The following RPS6KC1 variants were observed in gnomAD, a reference collection of about 807,000 sequenced individuals.
The protein encoded by RPS6KC1 is inactive ribosomal protein S6 kinase delta-1.
In RPS6KC1, 54 loss-of-function variants were observed where a neutral mutation model predicts 103.8. That is an observed-to-expected ratio of 0.52 (90% CI 0.42 to 0.65). The LOEUF (loss-of-function observed/expected upper bound fraction) is 0.65, where lower values mean the gene tolerates loss of function less well. Among genes scored for constraint, RPS6KC1 ranks in the 30% least tolerant of loss-of-function variants. RPS6KC1 has a pLI of 0.00. For missense variants in RPS6KC1, 1,151 were observed against 1,253.8 expected, an observed-to-expected ratio of 0.92 and a Z score of 1.24; for synonymous variants, 439 against 438.7, an observed-to-expected ratio of 1.00 and a Z score of -0.01.
At chr1:213,563,872 T>C in the RPS6KC1 span, among the ~76,000 whole-genome samples, 1 of 151,918 alleles carries the variant, frequency 6.6e-6, no homozygotes, top group Non-Finnish European at 1.5e-5. Flanking sequence ...TTTATAATTA[T>C]TCATACTGTA....
At chr1:213,285,345 T>TGG in the RPS6KC1 span, among the ~76,000 whole-genome samples, 33 of 151,998 alleles carry the variant, frequency 2.2e-4, no homozygotes, top group Non-Finnish European at 3.7e-4. Flanking sequence ...GCTGTCATAC[T>TGG]GGGGGGTAGG....
chr1:213,518,487 T>A, the RPS6KC1 span, among the ~76,000 whole-genome samples: 1 of 152,162 alleles, frequency 6.6e-6, no homozygotes, highest in Non-Finnish European at 1.5e-5. Flanking sequence ...GGAAGGATCC[T>A]CCCCTAGAGC....
chr1:213,283,462 TGA>T, the RPS6KC1 span, among the ~76,000 whole-genome samples: 1 of 152,054 alleles, frequency 6.6e-6, no homozygotes, highest in Non-Finnish European at 1.5e-5. Flanking sequence ...GCATGGTATG[TGA>T]GAGAGAGAAG....
At chr1:213,235,695 T>A (rs2094206219) in intron 10 of RPS6KC1, among the ~76,000 whole-genome samples, 1 of 152,068 alleles carries the variant, frequency 6.6e-6, no homozygotes, top group Non-Finnish European at 1.5e-5. Flanking sequence ...GTAGGAGGAA[T>A]GCTTAGAGAA....
intron 3 of RPS6KC1, among the ~76,000 whole-genome samples, chr1:213,100,826 A>G (rs1002878955): frequency 6.6e-6 from 1 of 152,180 alleles, no homozygotes; most frequent in African/African-American, 2.4e-5. Context: ...TTCTTTATCC[A>G]GTCCACTGTT....
chr1:213,239,385 C>T (rs1459688145), intron 10 of RPS6KC1, among the ~76,000 whole-genome samples: 2 of 151,822 alleles, frequency 1.3e-5, no homozygotes, highest in Non-Finnish European at 2.9e-5. Context: ...TTAACTAGAT[C>T]GCTGCTACAA....
chr1:213,175,541 A>G (rs926850577), intron 7 of RPS6KC1, among the ~76,000 whole-genome samples: 2 of 152,206 alleles, frequency 1.3e-5, no homozygotes, highest in Middle Eastern at 3.2e-3. Flanking sequence ...TTATAGTTGT[A>G]AATGTCGTAT....
the RPS6KC1 span, among the ~76,000 whole-genome samples, chr1:213,448,675 G>A: frequency 6.6e-6 from 1 of 151,474 alleles, no homozygotes; most frequent in Non-Finnish European, 1.5e-5. Context: ...GAAGCCTCTA[G>A]GAGAGTGAGA....
In RPS6KC1 at chr1:213,242,239, TAG is replaced by T; in HGVS notation, c.2768_2769del (p.Glu923GlyfsTer16). The T allele has an allele frequency of 6.2e-7, 1 of 1,613,984 alleles. No homozygotes were observed. The highest frequency in any genetic ancestry group is 8.5e-7 in the Non-Finnish European group (1 of 1,179,902). ...TGGTGGTAGCCCTTGATGCTTTACA[TAG>T]AGAGGGAATTGTGTGCCGCGATTTG... is the stretch of plus-strand genomic sequence containing the variant. Reference protein sequence around the residue: ...EMVVALDALHREGIVCRDLNP... With the variant: ...EMVVALDALHXEGIVCRDLNP... On this transcript the variant is annotated frameshift_variant, in exon 11 of 15. Coordinates refer to ENST00000366960, the MANE Select transcript of RPS6KC1 (RefSeq NM_012424.6). LOFTEE classifies it high-confidence loss of function.
At chr1:213,224,869 C>G (rs1258311241) in intron 8 of RPS6KC1, among the ~76,000 whole-genome samples, 1 of 152,188 alleles carries the variant, frequency 6.6e-6, no homozygotes, top group African/African-American at 2.4e-5. Flanking sequence ...AGCACCATAG[C>G]ACTGTTCATT....
At chr1:213,172,454 T>TA (rs2148242444) in intron 7 of RPS6KC1, among the ~76,000 whole-genome samples, 1 of 151,774 alleles carries the variant, frequency 6.6e-6, no homozygotes, top group Non-Finnish European at 1.5e-5. Context: ...AATAAAAAAA[T>TA]AAAAAAATTA....
At chr1:213,129,939 G>T (rs1203925006) in intron 6 of RPS6KC1, 50 bp downstream of exon 6, 1 of 1,510,440 alleles carries the variant, frequency 6.6e-7, no homozygotes, top group African/African-American at 1.4e-5. Context: ...GTTGGTATGT[G>T]GGAAAAAAAA....
the RPS6KC1 span, among the ~76,000 whole-genome samples, chr1:213,401,304 T>C: frequency 3.3e-5 from 5 of 152,252 alleles, no homozygotes; most frequent in East Asian, 9.6e-4. Context: ...AAGGCTGAGA[T>C]AGAGAGGGGC....
At chr1:213,769,334 A>AT in the RPS6KC1 span, among the ~76,000 whole-genome samples, 1 of 152,120 alleles carries the variant, frequency 6.6e-6, no homozygotes, top group East Asian at 1.9e-4. Flanking sequence ...AATGTTAGAG[A>AT]TTTTCATTCG....
the RPS6KC1 span, among the ~76,000 whole-genome samples, chr1:213,681,988 C>A: frequency 0.14 from 20,601 of 152,208 alleles, 1,509 homozygotes; most frequent in Non-Finnish European, 0.15. Context: ...CTGCTCTAAG[C>A]CATACTGTGG....
At chr1:213,827,535 C>T in the RPS6KC1 span, among the ~76,000 whole-genome samples, 12 of 152,112 alleles carry the variant, frequency 7.9e-5, no homozygotes, top group Non-Finnish European at 1.8e-4. Context: ...CTGTGATTTT[C>T]CAACTTCAGT....
At chr1:213,613,732 G>T in the RPS6KC1 span, among the ~76,000 whole-genome samples, 1 of 152,204 alleles carries the variant, frequency 6.6e-6, no homozygotes, top group Non-Finnish European at 1.5e-5. Flanking sequence ...CTGTGCTAAA[G>T]TCACACAGTC....
the RPS6KC1 span, among the ~76,000 whole-genome samples, chr1:213,588,076 C>T: frequency 6.6e-6 from 1 of 152,104 alleles, no homozygotes; most frequent in East Asian, 1.9e-4. Context: ...AATAAGCTCC[C>T]TCAGGCCTCT....
chr1:213,460,973 G>T, the RPS6KC1 span, among the ~76,000 whole-genome samples: 1 of 152,076 alleles, frequency 6.6e-6, no homozygotes, highest in African/African-American at 2.4e-5. Context: ...TAGTCTGATG[G>T]GCTTCCCTTT....
Sources: gnomAD v4.1 joint callset for allele counts (sites outside exome capture counted in the v4.1 genomes callset) on GRCh38, gnomAD v4.1.1 for gene constraint, MANE v1.5 for transcripts, NCBI Gene and HGNC (gene_info 2026-07-23, HGNC 2026-07-21) for gene names.